The following STAP1 variants were observed in gnomAD, a reference collection of about 807,000 sequenced individuals.
STAP1 encodes signal-transducing adaptor protein 1.
Under a neutral mutation model 37.8 loss-of-function variants are expected in STAP1, and 30 were observed. The ratio of observed to expected loss-of-function variants is 0.79; its 90% confidence interval spans 0.59 to 1.08. The LOEUF (loss-of-function observed/expected upper bound fraction) is 1.08. STAP1 is among the 50% of genes least tolerant of loss of function. STAP1 has a pLI of 0.00. For synonymous variants in STAP1, 130 were observed against 116.0 expected, an observed-to-expected ratio of 1.12 and a Z score of -0.78; for missense variants, 357 against 349.4, an observed-to-expected ratio of 1.02 and a Z score of -0.17.
At chr4:67,584,116 AG>A (rs1727930437) in intron 6 of STAP1, among the ~76,000 whole-genome samples, 9 of 134,062 alleles carry the variant, frequency 6.7e-5, no homozygotes, top group Non-Finnish European at 8.0e-5. Flanking sequence ...AAAAAAAAAA[AG>A]AACACAAGAA....
At position 67,599,687 on chromosome 4, in the gene STAP1, A is replaced by T. The variant is rs185687091; in HGVS notation, c.826+6331A>T. 4.2e-3 allele frequency among the ~76,000 whole-genome samples: 630 copies of T among 150,906 alleles called. 7 individuals carry two copies. Among genetic ancestry groups the T allele is most frequent in the African/African-American group, 0.014 (592 of 41,096 alleles). On this transcript the variant is annotated intron_variant, in intron 8 of 8. Coordinates refer to ENST00000265404, the MANE Select transcript of STAP1 (RefSeq NM_012108.4). The stretch of plus-strand genomic sequence containing the variant: ...GATGGAGTCTCAGTCTGTCACCCAG[A>T]CTGGAGTGCAGTGGCACAATCTCAG...
rs980280166 is a variant in STAP1 at position 67,575,358 on chromosome 4, T to G, written c.193-27T>G. The stretch of plus-strand genomic sequence containing the variant: ...AATGTGTATTACCCATGAAATAATG[T>G]AATGTGATCTTCCTTTATCTTTGCA... On this transcript the variant is annotated intron_variant, in intron 2 of 8. Transcript: ENST00000265404. 5 of 1,460,866 alleles carry G rather than the reference T, an allele frequency of 3.4e-6. No homozygotes were observed. The African/African-American group carries it at 5.8e-5, about 17-fold the overall frequency. 90.5% of individuals were successfully genotyped at this position (1,460,866 alleles called of 1,614,324 possible). A position where few individuals can be genotyped will look rare whatever the true frequency, so the allele number is the denominator to read the frequency against.
At chr4:67,580,694 A>G (rs2109864278) in intron 4 of STAP1, among the ~76,000 whole-genome samples, 1 of 152,356 alleles carries the variant, frequency 6.6e-6, no homozygotes, top group African/African-American at 2.4e-5. Flanking sequence ...TCAGAAGGAC[A>G]TATATAGGTG....
At chr4:67,581,248 AAAGTTAT>A in intron 4 of STAP1, 50 bp from the exon 5 acceptor site, 1 of 1,550,530 alleles carries the variant, frequency 6.4e-7, no homozygotes, top group East Asian at 2.2e-5. Context: ...CGTCTTTACT[AAAGTTAT>A]AAGTTATTAA....
intron 1 of STAP1, among the ~76,000 whole-genome samples, chr4:67,559,911 A>G (rs1426901592): frequency 6.6e-6 from 1 of 152,202 alleles, no homozygotes; most frequent in Non-Finnish European, 1.5e-5. Flanking sequence ...GAGAGTAAAG[A>G]CATGGTAATT....
At chr4:67,589,621 A>G (rs952404631) in intron 6 of STAP1, among the ~76,000 whole-genome samples, 1 of 152,236 alleles carries the variant, frequency 6.6e-6, no homozygotes, top group Non-Finnish European at 1.5e-5. Flanking sequence ...GCAAATGACA[A>G]TGTAATAAAT....
chr4:67,590,356 C>T (rs10002109), intron 6 of STAP1, among the ~76,000 whole-genome samples: 84,162 of 151,918 alleles, frequency 0.55, 24,815 homozygotes, highest in Non-Finnish European at 0.64. Flanking sequence ...TCCATATCTC[C>T]AAGTCAGCCC....
At chr4:67,586,327 C>T (rs570869845) in intron 6 of STAP1, among the ~76,000 whole-genome samples, 3 of 152,122 alleles carry the variant, frequency 2.0e-5, no homozygotes, top group Non-Finnish European at 2.9e-5. Flanking sequence ...TGTGGTGGCA[C>T]GCACCTGTAA....
At chr4:67,582,542 G>A (rs985544122) in intron 5 of STAP1, among the ~76,000 whole-genome samples, 1 of 151,836 alleles carries the variant, frequency 6.6e-6, no homozygotes, top group East Asian at 1.9e-4. Context: ...TCTTGAGCTC[G>A]AGTGATCCAC....
At chr4:67,564,555 T>C (rs920631048) in intron 1 of STAP1, among the ~76,000 whole-genome samples, 1 of 152,144 alleles carries the variant, frequency 6.6e-6, no homozygotes, top group Non-Finnish European at 1.5e-5. Context: ...AACAGAGTGG[T>C]AGGCTTTGAC....
intron 3 of STAP1, 31 bp downstream of exon 3, chr4:67,575,529 GGTTGT>G: frequency 1.3e-6 from 2 of 1,487,426 alleles, no homozygotes; most frequent in Non-Finnish European, 1.9e-6. Context: ...GTCTGTAAAG[GGTTGT>G]GGTTATAAAT....
intron 1 of STAP1, 74 bp downstream of exon 1, chr4:67,559,003 G>A (rs2109849808): frequency 7.0e-7 from 1 of 1,428,474 alleles, no homozygotes; most frequent in Non-Finnish European, 9.4e-7. Flanking sequence ...GTGATGTGAT[G>A]TGTTAAGACC....
At chr4:67,563,612 A>G (rs1300583486) in intron 1 of STAP1, among the ~76,000 whole-genome samples, 2 of 152,180 alleles carry the variant, frequency 1.3e-5, no homozygotes, top group African/African-American at 4.8e-5. Flanking sequence ...CTGAAGTGGG[A>G]GGATCACTTG....
chr4:67,601,400 T>C (rs987151942), intron 8 of STAP1, among the ~76,000 whole-genome samples: 1 of 152,220 alleles, frequency 6.6e-6, no homozygotes, highest in Non-Finnish European at 1.5e-5. Flanking sequence ...ACACCACAAT[T>C]TACGGTGTTA....
intron 6 of STAP1, among the ~76,000 whole-genome samples, chr4:67,588,165 C>T (rs573870487): frequency 3.6e-4 from 54 of 148,914 alleles, no homozygotes; most frequent in Non-Finnish European, 7.3e-4. Flanking sequence ...TTTGGAAAAG[C>T]AGAACAAAAC....
chr4:67,568,517 A>G (rs116512451), intron 1 of STAP1, among the ~76,000 whole-genome samples: 5,742 of 152,316 alleles, frequency 0.038, 153 homozygotes, highest in Non-Finnish European at 0.044. Context: ...GTCACTCTTC[A>G]TATTTATTTA....
At chr4:67,606,226 T>G in intron 8 of STAP1, 70 bp from the exon 9 acceptor site, 1 of 1,340,838 alleles carries the variant, frequency 7.5e-7, no homozygotes. Flanking sequence ...ATCAACTCAC[T>G]GAAAATAAAG....
chr4:67,558,957 C>T, intron 1 of STAP1, 28 bp downstream of exon 1: 1 of 1,535,898 alleles, frequency 6.5e-7, no homozygotes, highest in South Asian at 1.3e-5. Context: ...AATGTTAAAC[C>T]TAAGACTTCT....
Position 67,580,191 on chromosome 4 carries a change from G to A in STAP1, c.364-1114G>A, listed in dbSNP as rs374491054. On this transcript the variant is annotated intron_variant, in intron 4 of 8. Coordinates refer to ENST00000265404, the MANE Select transcript of STAP1 (RefSeq NM_012108.4). ...ATACTTTCTAGCATTTCTGTGAGGA[G>A]TTGCAATAAAACATGTACAATGCTT... Among the ~76,000 whole-genome samples the A allele has an allele frequency of 1.1e-4, 17 of 152,310 alleles. No individual in the cohort carries two copies. The South Asian group carries it at 3.5e-3, about 32-fold the overall frequency.
Sources: gnomAD v4.1 joint callset for allele counts (sites outside exome capture counted in the v4.1 genomes callset) on GRCh38, gnomAD v4.1.1 for gene constraint, MANE v1.5 for transcripts, NCBI Gene and HGNC (gene_info 2026-07-23, HGNC 2026-07-21) for gene names.